The following CERT1 variants were observed in gnomAD, a reference collection of about 807,000 sequenced individuals.
CERT1 encodes ceramide transporter 1, also known as ceramide transfer protein.
Under a neutral mutation model 87.9 loss-of-function variants are expected in CERT1, and 31 were observed. That is an observed-to-expected ratio of 0.35 (90% CI 0.27 to 0.48). CERT1 has a LOEUF of 0.48. CERT1 is among the 20% of genes least tolerant of loss of function. The pLI, the probability that CERT1 is intolerant of heterozygous loss-of-function variation, is 0.99. For synonymous variants in CERT1, 289 were observed against 250.9 expected (o/e 1.15, Z -1.44); for missense variants, 487 against 758.0 (o/e 0.64, Z 4.20).
intron 2 of CERT1, among the ~76,000 whole-genome samples, chr5:75,497,068 C>G (rs1327700888): frequency 6.6e-6 from 1 of 151,932 alleles, no homozygotes; most frequent in Non-Finnish European, 1.5e-5. Context: ...CAAGAATACA[C>G]AGAAAACATA....
At chr5:75,453,082 T>C (rs1213219928) in intron 3 of CERT1, among the ~76,000 whole-genome samples, 11 of 152,166 alleles carry the variant, frequency 7.2e-5, no homozygotes, top group Non-Finnish European at 2.9e-5. Context: ...TCTAATACAT[T>C]GAGAATATTT....
At chr5:75,388,053 C>A (rs1163194513) in intron 12 of CERT1, among the ~76,000 whole-genome samples, 1 of 152,164 alleles carries the variant, frequency 6.6e-6, no homozygotes, top group Non-Finnish European at 1.5e-5. Flanking sequence ...AGGTCTGGCT[C>A]AACCCTTTCT....
chr5:75,405,802 CAT>C (rs1762680645), intron 8 of CERT1, among the ~76,000 whole-genome samples: 1 of 145,404 alleles, frequency 6.9e-6, no homozygotes, highest in Non-Finnish European at 1.5e-5. Flanking sequence ...CAGGTACATA[CAT>C]ATAGGAAAAA....
intron 11 of CERT1, among the ~76,000 whole-genome samples, chr5:75,391,629 A>G (rs1762030434): frequency 6.6e-6 from 1 of 152,190 alleles, no homozygotes; most frequent in Non-Finnish European, 1.5e-5. Context: ...AGGATAACCA[A>G]TGCAGGATTC....
chr5:75,510,244 A>G (rs1767871099), intron 1 of CERT1, among the ~76,000 whole-genome samples: 1 of 152,126 alleles, frequency 6.6e-6, no homozygotes. Flanking sequence ...ACAGGAAGGG[A>G]GAGAGAAGTC....
Position 75,389,605 on chromosome 5 carries a change from T to C in CERT1, c.1271A>G (p.Glu424Gly). The change falls in exon 12 of 17, where the codon GAA (glutamate) becomes GGA (glycine). Residue 424 changes from glutamate (E) to glycine (G), a missense_variant. By Grantham distance (98) the Glu-to-Gly change is moderately conservative. This residue lies in a region of CERT1 where 147 missense variants were observed against 200.8 expected (regional missense o/e 0.73). Transcript: ENST00000643780. ...GDANWQLVVEEGEMKVYRREV... is the reference protein window; with the variant it reads ...GDANWQLVVEGGEMKVYRREV... The stretch of plus-strand genomic sequence containing the variant: ...AGGGGGAATTACCTTCATTTCTCCT[T>C]CTTCTACAACCAACTGCCAATTGGC... The C allele has an allele frequency of 6.2e-7, 1 of 1,613,856 alleles. No homozygotes were observed. Among genetic ancestry groups the C allele is most frequent in the Non-Finnish European group, 8.5e-7 (1 of 1,179,744 alleles).
At chr5:75,498,099 G>C (rs931015907) in intron 2 of CERT1, among the ~76,000 whole-genome samples, 3 of 152,110 alleles carry the variant, frequency 2.0e-5, no homozygotes, top group Non-Finnish European at 4.4e-5. Context: ...GCGGCATTTT[G>C]CCCCTGCCCT....
At chr5:75,429,110 A>G (rs1580757400) in intron 3 of CERT1, among the ~76,000 whole-genome samples, 1 of 150,340 alleles carries the variant, frequency 6.7e-6, no homozygotes, top group African/African-American at 2.4e-5. Flanking sequence ...CCCTACTTCC[A>G]CCTCCAGCCT....
At position 75,408,763 on chromosome 5, in the gene CERT1, T is replaced by G. The variant is rs185641440; in HGVS notation, c.930+2248A>C. Among the ~76,000 whole-genome samples the G allele has an allele frequency of 4.5e-4, 68 of 152,184 alleles. 1 individual carries two copies. Among genetic ancestry groups the G allele is most frequent in the Non-Finnish European group, 6.5e-4 (44 of 68,010 alleles). On this transcript the variant is annotated intron_variant, in intron 8 of 16. Coordinates refer to ENST00000643780, the MANE Select transcript of CERT1 (RefSeq NM_001379029.1). ...TCATGTAACAAACATGCATGTGTACTTCCAATGTAAAATAAAATAAAAAAA... is the reference window on the plus strand; with the variant it reads ...TCATGTAACAAACATGCATGTGTACGTCCAATGTAAAATAAAATAAAAAAA...
intron 14 of CERT1, among the ~76,000 whole-genome samples, chr5:75,384,403 T>C (rs770369927): frequency 2.0e-5 from 3 of 152,216 alleles, no homozygotes; most frequent in Non-Finnish European, 4.4e-5. Context: ...GAACTAACCG[T>C]TGATCTTTAT....
At chr5:75,484,452 CTGAA>C (rs1766409585) in intron 2 of CERT1, among the ~76,000 whole-genome samples, 1 of 148,256 alleles carries the variant, frequency 6.7e-6, no homozygotes, top group Non-Finnish European at 1.5e-5. Context: ...GACAGAGTGA[CTGAA>C]TGGATTAAAA....
At chr5:75,451,721 T>C (rs1413309162) in intron 3 of CERT1, among the ~76,000 whole-genome samples, 3 of 152,214 alleles carry the variant, frequency 2.0e-5, no homozygotes, top group Non-Finnish European at 2.9e-5. Context: ...ATTTAAAAAC[T>C]ACTAAGAGTT....
In CERT1 at chr5:75,511,611, C is replaced by A. The variant is rs1295115420; in HGVS notation, c.-404G>T. The A allele has an allele frequency of 1.9e-5, 28 of 1,470,406 alleles. No homozygotes were observed. The Admixed American group carries it at 6.2e-4, about 33-fold the overall frequency. The allele number at this position is 1,470,406 out of a possible 1,614,324, so 91.1% of individuals were successfully genotyped here. On this transcript the variant is annotated 5_prime_UTR_variant, in exon 1 of 17. Coordinates refer to ENST00000643780, the MANE Select transcript of CERT1 (RefSeq NM_001379029.1). ...ACACCTCCGCTACCGCCGCCATCTT[C>A]CTGCCTGGCCCACTATTTACCCTCC... is the stretch of plus-strand genomic sequence containing the variant.
chr5:75,469,099 A>G (rs968486178), intron 2 of CERT1, among the ~76,000 whole-genome samples: 2 of 152,190 alleles, frequency 1.3e-5, no homozygotes, highest in African/African-American at 4.8e-5. Context: ...AAGATGAGAA[A>G]ATTAATGGAT....
intron 2 of CERT1, among the ~76,000 whole-genome samples, chr5:75,486,164 T>C (rs538480384): frequency 6.6e-6 from 1 of 152,150 alleles, no homozygotes; most frequent in African/African-American, 2.4e-5. Context: ...CATGACCACA[T>C]GGAATTTATC....
chr5:75,483,163 TC>T (rs1036806785), intron 2 of CERT1, among the ~76,000 whole-genome samples: 1 of 152,118 alleles, frequency 6.6e-6, no homozygotes, highest in African/African-American at 2.4e-5. Flanking sequence ...AAATTCAGAC[TC>T]CTATCTGAAT....
At chr5:75,404,262 G>A (rs897680343) in intron 8 of CERT1, among the ~76,000 whole-genome samples, 7 of 135,482 alleles carry the variant, frequency 5.2e-5, no homozygotes, top group Non-Finnish European at 1.1e-4. Context: ...TTAGGGTTAT[G>A]AGGACTCAGT....
chr5:75,464,097 A>G (rs1022255976), intron 2 of CERT1, among the ~76,000 whole-genome samples: 3 of 152,216 alleles, frequency 2.0e-5, no homozygotes, highest in Non-Finnish European at 2.9e-5. Context: ...AACCATAAAC[A>G]TCAGTTCTAT....
At chr5:75,456,621 C>T (rs1397755243) in intron 3 of CERT1, among the ~76,000 whole-genome samples, 2 of 143,904 alleles carry the variant, frequency 1.4e-5, no homozygotes, top group Non-Finnish European at 3.0e-5. Context: ...CTGAAGTGAG[C>T]CGAGATCACA....
Sources: gnomAD v4.1 joint callset for allele counts (sites outside exome capture counted in the v4.1 genomes callset) on GRCh38, gnomAD v4.1.1 for gene constraint, gnomAD v4.1.1 regional missense constraint, MANE v1.5 for transcripts, NCBI Gene and HGNC (gene_info 2026-07-23, HGNC 2026-07-21) for gene names.